MOXD1: variants seen among roughly 807,000 people sequenced by gnomAD.
The protein encoded by MOXD1 is monooxygenase DBH like 1.
A neutral mutation model predicts 66.6 loss-of-function variants in MOXD1; 62 were observed. That is an observed-to-expected ratio of 0.93 (90% CI 0.76 to 1.15). The LOEUF is 1.15. Among genes scored for constraint, MOXD1 ranks in the 50% most tolerant of loss-of-function variants. The pLI is 0.00. For missense variants in MOXD1, 847 were observed against 754.6 expected (o/e 1.12, Z -1.44); for synonymous variants, 303 against 281.9 (o/e 1.07, Z -0.75).
At chr6:132,341,051 A>T (rs1403993201) in intron 4 of MOXD1, among the ~76,000 whole-genome samples, 1 of 152,222 alleles carries the variant, frequency 6.6e-6, no homozygotes, top group East Asian at 1.9e-4. Flanking sequence ...TATAGGAGTT[A>T]TAACAATAGT....
chr6:132,397,557 T>C (rs1362000830), intron 1 of MOXD1, among the ~76,000 whole-genome samples: 1 of 151,402 alleles, frequency 6.6e-6, no homozygotes, highest in Non-Finnish European at 1.5e-5. Flanking sequence ...GATGGTTGAA[T>C]TGTTGCCAGT....
chr6:132,391,506 T>G (rs940578893), intron 1 of MOXD1: 1 of 152,130 alleles, frequency 6.6e-6, no homozygotes, highest in African/African-American at 2.4e-5. Flanking sequence ...CCTGGAGAAA[T>G]GTTTTTCCTG....
At chr6:132,366,061 T>C (rs1365770817) in intron 4 of MOXD1, among the ~76,000 whole-genome samples, 2 of 152,196 alleles carry the variant, frequency 1.3e-5, no homozygotes, top group Non-Finnish European at 1.5e-5. Context: ...TCAAGAATCA[T>C]CTATTTTATC....
At chr6:132,376,829 A>T (rs549882662) in intron 1 of MOXD1, among the ~76,000 whole-genome samples, 1 of 152,152 alleles carries the variant, frequency 6.6e-6, no homozygotes, top group Admixed American at 6.6e-5. Flanking sequence ...AGCTTCTTAT[A>T]TGCACCAGGC....
chr6:132,377,354 A>G lies in MOXD1; in HGVS notation c.265-2577T>C, dbSNP rs893296347. On this transcript the variant is annotated intron_variant, in intron 1 of 11. Coordinates refer to ENST00000367963, the MANE Select transcript of MOXD1 (RefSeq NM_015529.4). ...TTAACTGTGCCTTTTCACTGAACTC[A>G]TATTTCATTACATGATCCAAGCAGT... 5.9e-5 allele frequency among the ~76,000 whole-genome samples: 9 copies of G among 152,230 alleles called. No homozygotes were observed. The South Asian group carries it at 1.7e-3, about 28-fold the overall frequency.
intron 10 of MOXD1, among the ~76,000 whole-genome samples, chr6:132,312,691 A>G (rs912401351): frequency 5.9e-5 from 9 of 151,794 alleles, no homozygotes; most frequent in African/African-American, 2.2e-4. Context: ...GTCTTTCCAA[A>G]TTATGAAAAC....
At chr6:132,305,308 C>T (rs1481436133) in intron 10 of MOXD1, among the ~76,000 whole-genome samples, 3 of 152,242 alleles carry the variant, frequency 2.0e-5, no homozygotes, top group African/African-American at 7.2e-5. Context: ...CTGGGTGGGG[C>T]TTCCCTGGAG....
At chr6:132,326,802 T>G (rs1582572655) in intron 6 of MOXD1, among the ~76,000 whole-genome samples, 1 of 152,182 alleles carries the variant, frequency 6.6e-6, no homozygotes, top group Non-Finnish European at 1.5e-5. Context: ...TAAAAAAAGA[T>G]ACTTTATTGG....
intron 6 of MOXD1, among the ~76,000 whole-genome samples, chr6:132,326,098 G>T (rs953888394): frequency 1.3e-5 from 2 of 152,034 alleles, no homozygotes; most frequent in Non-Finnish European, 2.9e-5. Flanking sequence ...GTATAGTTAG[G>T]TTCATTAGTT....
Position 132,401,181 on chromosome 6 carries a change from G to C in MOXD1, c.246C>G (p.His82Gln), listed in dbSNP as rs747952943. 9 of 1,534,950 alleles carry C rather than the reference G, an allele frequency of 5.9e-6. No individual in the cohort carries two copies. The highest frequency in any genetic ancestry group is 7.8e-6 in the Non-Finnish European group (9 of 1,148,148). Residue 82 changes from histidine (H) to glutamine (Q), a missense_variant, in exon 1 of 12, where the codon CAC becomes CAG. Coordinates refer to ENST00000367963, the MANE Select transcript of MOXD1 (RefSeq NM_015529.4). The stretch of plus-strand genomic sequence containing the variant: ...CGCTTACCTGGAGGTAGGGCCGCCC[G>C]TGGGCCACCCCGCCCACGACGATGT... Reference protein sequence around the residue: ...SADIVVGGVAHGRPYLQDYFT... With the variant: ...SADIVVGGVAQGRPYLQDYFT...
intron 4 of MOXD1, among the ~76,000 whole-genome samples, chr6:132,332,191 A>G (rs1341483789): frequency 1.3e-5 from 2 of 152,194 alleles, no homozygotes; most frequent in African/African-American, 4.8e-5. Context: ...AGAAGAATTA[A>G]ACTGTAATCT....
chr6:132,326,406 T>G (rs1396611565), intron 6 of MOXD1, among the ~76,000 whole-genome samples: 2 of 151,952 alleles, frequency 1.3e-5, no homozygotes, highest in East Asian at 3.9e-4. Context: ...GCAAATAAAT[T>G]AAGCCTTCTA....
At chr6:132,330,919 A>G (rs1337791046) in intron 4 of MOXD1, among the ~76,000 whole-genome samples, 1 of 152,210 alleles carries the variant, frequency 6.6e-6, no homozygotes, top group South Asian at 2.1e-4. Context: ...ATAGCGAGTC[A>G]TGCCACACCT....
At chr6:132,366,538 A>G (rs1776145874) in intron 4 of MOXD1, among the ~76,000 whole-genome samples, 1 of 152,126 alleles carries the variant, frequency 6.6e-6, no homozygotes, top group South Asian at 2.1e-4. Context: ...TTGAAATATT[A>G]TTTCAGGAAA....
chr6:132,331,817 A>G (rs1775325158), intron 4 of MOXD1, among the ~76,000 whole-genome samples: 1 of 152,190 alleles, frequency 6.6e-6, no homozygotes, highest in Admixed American at 6.5e-5. Context: ...ACATTATTGT[A>G]GGAAGCGTGT....
chr6:132,369,711 G>A (rs1052102243), intron 4 of MOXD1, among the ~76,000 whole-genome samples: 2 of 151,996 alleles, frequency 1.3e-5, no homozygotes, highest in Non-Finnish European at 2.9e-5. Context: ...GATGGGCAGC[G>A]TTTCCAGTGT....
At chr6:132,343,143 C>T (rs1324571214) in intron 4 of MOXD1, among the ~76,000 whole-genome samples, 2 of 152,118 alleles carry the variant, frequency 1.3e-5, no homozygotes, top group Non-Finnish European at 2.9e-5. Context: ...GATAAGTAAA[C>T]ATTAAATTAC....
intron 10 of MOXD1, 27 bp downstream of exon 10, chr6:132,315,608 C>T: frequency 6.3e-7 from 1 of 1,591,652 alleles, no homozygotes; most frequent in Non-Finnish European, 8.5e-7. Context: ...ATACGTTACC[C>T]CATCATAAAA....
chr6:132,381,746 A>T (rs569288573), intron 1 of MOXD1, among the ~76,000 whole-genome samples: 1 of 152,206 alleles, frequency 6.6e-6, no homozygotes. Flanking sequence ...ATACTAGAGA[A>T]TGAAACAGAC....
Sources: allele counts gnomAD v4.1 joint callset (sites outside exome capture counted in the v4.1 genomes callset), GRCh38; gene constraint gnomAD v4.1.1; transcripts MANE v1.5; gene names NCBI Gene and HGNC (gene_info 2026-07-23, HGNC 2026-07-21).